SDK1: variants seen among roughly 807,000 people sequenced by gnomAD.
SDK1 encodes protein sidekick-1.
In SDK1, 157 loss-of-function variants were observed where a neutral mutation model predicts 245.5. The observed-to-expected ratio is 0.64, with a 90% CI of 0.56 to 0.73. The LOEUF (loss-of-function observed/expected upper bound fraction) is 0.73. Ranked by LOEUF, SDK1 falls within the 30% of genes least tolerant of loss-of-function variation. SDK1 has a pLI of 0.00. For missense variants in SDK1, 3,583 were observed against 3,002.3 expected (o/e 1.19, Z -4.52); for synonymous variants, 1,647 against 1,278.5 (o/e 1.29, Z -6.15).
chr7:4,039,381 A>G (rs892978971), intron 17 of SDK1, among the ~76,000 whole-genome samples: 2 of 152,146 alleles, frequency 1.3e-5, no homozygotes, highest in Non-Finnish European at 2.9e-5. Context: ...CAACCTAAGT[A>G]ATTTTACTAA....
chr7:4,193,896 G>A (rs759913351), intron 35 of SDK1, among the ~76,000 whole-genome samples: 1 of 152,132 alleles, frequency 6.6e-6, no homozygotes, highest in Admixed American at 6.6e-5. Context: ...ATGGTCAGAG[G>A]TATTATGTAT....
chr7:3,883,487 GC>G (rs1781256695), intron 5 of SDK1, among the ~76,000 whole-genome samples: 1 of 152,074 alleles, frequency 6.6e-6, no homozygotes, highest in South Asian at 2.1e-4. Context: ...ATTATTTGAG[GC>G]CCCTAAAAAA....
At chr7:4,030,222 C>A (rs1241927898) in intron 17 of SDK1, among the ~76,000 whole-genome samples, 1 of 152,204 alleles carries the variant, frequency 6.6e-6, no homozygotes, top group Non-Finnish European at 1.5e-5. Flanking sequence ...ACAGAGAGAA[C>A]CAAGGCATGT....
intron 1 of SDK1, among the ~76,000 whole-genome samples, chr7:3,523,738 A>T (rs896321116): frequency 2.0e-5 from 3 of 152,174 alleles, no homozygotes; most frequent in Non-Finnish European, 4.4e-5. Context: ...ATCAGAATTA[A>T]TCGATTAATA....
chr7:3,758,412 A>G (rs1779999316), intron 4 of SDK1, among the ~76,000 whole-genome samples: 1 of 152,208 alleles, frequency 6.6e-6, no homozygotes, highest in South Asian at 2.1e-4. Flanking sequence ...CATTTTGGAT[A>G]TATGAATATT....
Position 3,941,321 on chromosome 7 carries a change from C to G in SDK1, c.848-9602C>G, listed in dbSNP as rs200978716. Among the ~76,000 whole-genome samples the G allele has an allele frequency of 2.8e-4, 42 of 152,236 alleles. No homozygotes were observed. The East Asian group carries it at 4.1e-3, about 15-fold the overall frequency. ...CTCCCTGACCGTGCTCCCACCCGCTCTAGACAGTGTGCAAGCCTGGCCATG... is the reference window on the plus strand; with the variant it reads ...CTCCCTGACCGTGCTCCCACCCGCTGTAGACAGTGTGCAAGCCTGGCCATG... On this transcript the variant is annotated intron_variant, in intron 5 of 44. Coordinates refer to ENST00000404826, the MANE Select transcript of SDK1 (RefSeq NM_152744.4).
intron 1 of SDK1, among the ~76,000 whole-genome samples, chr7:3,465,093 C>T (rs1338189999): frequency 4.6e-5 from 7 of 152,098 alleles, no homozygotes; most frequent in South Asian, 2.1e-4. Flanking sequence ...GGGGCTAATC[C>T]GTAAGTGAGA....
intron 22 of SDK1, among the ~76,000 whole-genome samples, chr7:4,091,581 G>T (rs1162613919): frequency 2.0e-5 from 3 of 152,048 alleles, no homozygotes; most frequent in Non-Finnish European, 4.4e-5. Context: ...GACCTCAGGT[G>T]ATCCACCCAC....
intron 5 of SDK1, among the ~76,000 whole-genome samples, chr7:3,915,060 T>C (rs1367721472): frequency 1.3e-5 from 2 of 152,210 alleles, no homozygotes; most frequent in African/African-American, 4.8e-5. Context: ...TGTTGATTAT[T>C]CTCTTGTACG....
rs553340737 is a variant in SDK1, at chr7:4,194,225, C to T, written c.5099-11654C>T. 4.9e-4 allele frequency among the ~76,000 whole-genome samples: 73 copies of T among 150,442 alleles called. 2 individuals are homozygous for T. The highest frequency in any genetic ancestry group is 6.8e-3 in the Middle Eastern group (2 of 292). ...CGAGAGAGATATATATATGTATACA[C>T]GTATGTGTATACATGTATAGATATA... On this transcript the variant is annotated intron_variant, in intron 35 of 44. Coordinates refer to ENST00000404826, the MANE Select transcript of SDK1 (RefSeq NM_152744.4).
At position 4,146,155 on chromosome 7, in the gene SDK1, G is replaced by A. The variant is rs150888994; in HGVS notation, c.4423+239G>A. On this transcript the variant is annotated intron_variant, in intron 29 of 44. Transcript: ENST00000404826. ...GCTCTCTCAGACACGTGAGCACTGC[G>A]TTCACACCTTCAGCCTCACACCTGC... 5.3e-3 allele frequency among the ~76,000 whole-genome samples: 718 copies of A among 134,836 alleles called. 8 individuals carry two copies. Among genetic ancestry groups the A allele is most frequent in the African/African-American group, 0.019 (685 of 36,784 alleles). The allele number at this position is 134,836 out of a possible 152,430, so 88.5% of individuals were successfully genotyped here. A position where few individuals can be genotyped will look rare whatever the true frequency, so the allele number is the denominator to read the frequency against.
At chr7:3,607,875 C>A (rs1039389376) in intron 1 of SDK1, among the ~76,000 whole-genome samples, 8 of 152,202 alleles carry the variant, frequency 5.3e-5, no homozygotes, top group African/African-American at 1.9e-4. Flanking sequence ...TAATTTAATC[C>A]TTGAGACAAG....
chr7:3,958,802 G>T (rs1315332116), intron 7 of SDK1, 129 bp from the exon 8 acceptor site: 9 of 753,566 alleles, frequency 1.2e-5, no homozygotes, highest in Non-Finnish European at 2.0e-5. Flanking sequence ...GAGTTTGTAT[G>T]CACGATGCTA....
At chr7:4,260,470 G>T (rs1347371440) in intron 44 of SDK1, among the ~76,000 whole-genome samples, 1 of 140,904 alleles carries the variant, frequency 7.1e-6, no homozygotes, top group Non-Finnish European at 1.5e-5. Context: ...GTCTCTGTGT[G>T]TGTGGGAAGA....
rs147414267 is a variant in SDK1, at chr7:4,149,456, G to A, written c.4618G>A (p.Val1540Ile). The change falls in exon 30 of 45, where the codon GTT becomes ATT. Residue 1540 changes from valine (V) to isoleucine (I), a missense_variant. By Grantham distance (29) the Val-to-Ile change is conservative. Transcript: ENST00000404826. Reference protein sequence around the residue: ...SISHEATACVVDRLRPFTSYK... With the variant: ...SISHEATACVIDRLRPFTSYK... ...CAGCCATGAGGCGACAGCATGCGTC[G>A]TTGACAGGTACTGAGAGAGCAGGAG... 1.9e-4 allele frequency: 286 copies of A among 1,510,902 alleles called. No homozygotes were observed. Among genetic ancestry groups the A allele is most frequent in the African/African-American group, 3.0e-4 (21 of 70,914 alleles). 93.6% of individuals were successfully genotyped at this position (1,510,902 alleles called of 1,614,324 possible). A position where few individuals can be genotyped will look rare whatever the true frequency, so the allele number is the denominator to read the frequency against.
intron 1 of SDK1, among the ~76,000 whole-genome samples, chr7:3,572,097 A>C (rs1228630136): frequency 6.6e-6 from 1 of 152,134 alleles, no homozygotes; most frequent in Non-Finnish European, 1.5e-5. Flanking sequence ...TACATCAGCA[A>C]GAAATGACTA....
chr7:3,499,006 TTTAA>T (rs1209342259), intron 1 of SDK1, among the ~76,000 whole-genome samples: 1 of 152,212 alleles, frequency 6.6e-6, no homozygotes, highest in Non-Finnish European at 1.5e-5. Context: ...AAATCTAAAG[TTTAA>T]TTAAAATTTT....
chr7:3,308,404 T>C (rs1249454538), intron 1 of SDK1, among the ~76,000 whole-genome samples: 1 of 152,158 alleles, frequency 6.6e-6, no homozygotes, highest in Non-Finnish European at 1.5e-5. Flanking sequence ...TTGTCTTCAT[T>C]AGGGGCTTTT....
Position 3,968,920 on chromosome 7 carries a change from G to A in SDK1, c.1547-337G>A, listed in dbSNP as rs113782244. 3.2e-3 allele frequency among the ~76,000 whole-genome samples: 491 copies of A among 152,312 alleles called. 5 individuals are homozygous for A. The highest frequency in any genetic ancestry group is 0.011 in the African/African-American group (469 of 41,574). ...CTCACAGTTCTGCATAGCTGGGGAG[G>A]CCTCAGGAAATCATGGTGGAAGGTG... On this transcript the variant is annotated intron_variant, in intron 10 of 44. Coordinates refer to ENST00000404826, the MANE Select transcript of SDK1 (RefSeq NM_152744.4).
Sources: allele counts gnomAD v4.1 joint callset (sites outside exome capture counted in the v4.1 genomes callset), GRCh38; gene constraint gnomAD v4.1.1; transcripts MANE v1.5; gene names NCBI Gene and HGNC (gene_info 2026-07-23, HGNC 2026-07-21).